The following NLGN4X variants were observed in gnomAD, a reference collection of about 807,000 sequenced individuals.
The protein encoded by NLGN4X is neuroligin 4 X-linked, also known as neuroligin-4, X-linked.
A neutral mutation model predicts 40.3 loss-of-function variants in NLGN4X; 3 were observed. The ratio of observed to expected loss-of-function variants is 0.07; its 90% confidence interval spans 0.03 to 0.19. The LOEUF (loss-of-function observed/expected upper bound fraction) is 0.19, where lower values mean the gene tolerates loss of function less well. Among genes scored for constraint, NLGN4X ranks in the 10% least tolerant of loss-of-function variants. The probability of loss-of-function intolerance (pLI) is 1.00; values close to 1 mark genes in which losing one functional copy is unlikely to be tolerated. For synonymous variants in NLGN4X, 270 were observed against 306.8 expected, an observed-to-expected ratio of 0.88 and a Z score of 1.25; for missense variants, 382 against 708.3, an observed-to-expected ratio of 0.54 and a Z score of 5.23.
intron 2 of NLGN4X, among the ~76,000 whole-genome samples, chrX:6,029,875 C>T (rs915787110): frequency 4.5e-5 from 5 of 111,094 alleles, no homozygotes; most frequent in African/African-American, 9.8e-5. Flanking sequence ...CATCTTAATT[C>T]GCAGGTGAGT....
chrX:6,145,887 C>T (rs1362927027), intron 2 of NLGN4X, among the ~76,000 whole-genome samples: 2 of 109,997 alleles, frequency 1.8e-5, no homozygotes, highest in African/African-American at 6.6e-5. Context: ...TTTTGGGAGG[C>T]CGAGGTGGGA....
chrX:6,076,150 A>G (rs2038190103), intron 2 of NLGN4X, among the ~76,000 whole-genome samples: 1 of 112,307 alleles, frequency 8.9e-6, no homozygotes, highest in Non-Finnish European at 1.9e-5. Context: ...TAATTACAAT[A>G]TGATATTTAG....
chrX:5,985,733 G>A (rs1410368136), intron 3 of NLGN4X, among the ~76,000 whole-genome samples: 2 of 111,822 alleles, frequency 1.8e-5, no homozygotes, highest in African/African-American at 6.5e-5. Context: ...AAGATTATGA[G>A]ACCCAAATAG....
intron 1 of NLGN4X, among the ~76,000 whole-genome samples, chrX:6,222,124 A>G (rs897410880): frequency 4.5e-5 from 5 of 111,174 alleles, no homozygotes; most frequent in African/African-American, 1.6e-4. Flanking sequence ...GCTAAGTTTC[A>G]CTCCTGAAAA....
rs1601916446 is a variant in NLGN4X, at chrX:5,937,257, T to C, written c.626-28018A>G. On this transcript the variant is annotated intron_variant, in intron 3 of 5. Coordinates refer to ENST00000381095, the MANE Select transcript of NLGN4X (RefSeq NM_181332.3). ...ACCCAGCTAATTTTTTTCTATTTTT[T>C]GTAGAGACAGGATTTAACCATTTGG... 3.6e-5 allele frequency among the ~76,000 whole-genome samples: 4 copies of C among 110,890 alleles called. No homozygotes were observed. In the Admixed American group the frequency reaches 3.8e-4, roughly 11 times the overall value.
chrX:6,069,764 T>G (rs1173461195), intron 2 of NLGN4X, among the ~76,000 whole-genome samples: 1 of 112,226 alleles, frequency 8.9e-6, no homozygotes. Context: ...AAAAAATGCC[T>G]CAGAAGTGTG....
intron 3 of NLGN4X, among the ~76,000 whole-genome samples, chrX:5,974,698 G>A (rs980940786): frequency 2.7e-5 from 3 of 111,348 alleles, no homozygotes; most frequent in African/African-American, 9.8e-5. Context: ...CGGGGGACAC[G>A]TACCAAGACC....
intron 3 of NLGN4X, among the ~76,000 whole-genome samples, chrX:5,990,077 CCTCTCTCTCTCTCT>C (rs71839664): frequency 2.5e-4 from 21 of 83,693 alleles, no homozygotes; most frequent in South Asian, 1.4e-3. Flanking sequence ...TCTCTATTTT[CCTCTCTCTCTCTCT>C]CTCTCTCTCT....
chrX:5,919,564 T>C (rs765438594), intron 3 of NLGN4X, among the ~76,000 whole-genome samples: 2 of 111,273 alleles, frequency 1.8e-5, no homozygotes, highest in South Asian at 3.9e-4. Flanking sequence ...GGAAGCTTCA[T>C]CTGTATTTAC....
intron 3 of NLGN4X, among the ~76,000 whole-genome samples, chrX:6,010,179 A>G (rs1429990123): frequency 9.0e-6 from 1 of 111,482 alleles, no homozygotes; most frequent in Admixed American, 9.6e-5. Context: ...GAGTGACTAC[A>G]AAACTTGCAT....
chrX:6,097,026 CTG>C (rs1569235436), intron 2 of NLGN4X, among the ~76,000 whole-genome samples: 1 of 110,079 alleles, frequency 9.1e-6, no homozygotes. Flanking sequence ...ACATCTCCAA[CTG>C]TCATTATTGA....
intron 2 of NLGN4X, among the ~76,000 whole-genome samples, chrX:6,132,796 T>C (rs1212348606): frequency 9.0e-6 from 1 of 111,102 alleles, no homozygotes; most frequent in Admixed American, 9.6e-5. Context: ...CCCAAGGTAA[T>C]GTCAATTCCT....
chrX:5,930,575 A>G (rs2033512344), intron 3 of NLGN4X, among the ~76,000 whole-genome samples: 1 of 112,533 alleles, frequency 8.9e-6, no homozygotes, highest in Admixed American at 9.4e-5. Flanking sequence ...TCCAATAAAT[A>G]TATTTCAAAG....
intron 2 of NLGN4X, among the ~76,000 whole-genome samples, chrX:6,042,720 T>C (rs1297166516): frequency 1.7e-4 from 7 of 41,815 alleles, no homozygotes; most frequent in African/African-American, 5.8e-4. Context: ...TATATATATA[T>C]ATATATATAT....
At chrX:6,177,637 T>G (rs1920985835) in intron 1 of NLGN4X, among the ~76,000 whole-genome samples, 1 of 111,976 alleles carries the variant, frequency 8.9e-6, no homozygotes, top group South Asian at 3.8e-4. Flanking sequence ...ATATTGATGA[T>G]GAAAGCTCTA....
intron 2 of NLGN4X, among the ~76,000 whole-genome samples, chrX:6,122,913 T>C (rs1018218597): frequency 3.7e-5 from 4 of 108,121 alleles, no homozygotes; most frequent in Admixed American, 1.0e-4. Context: ...AAGACAGAGA[T>C]ACATTTTCCC....
chrX:6,201,886 G>A (rs892857274), intron 1 of NLGN4X, among the ~76,000 whole-genome samples: 10 of 111,032 alleles, frequency 9.0e-5, no homozygotes, highest in African/African-American at 2.0e-4. Context: ...TGGTCTCTCC[G>A]ATGGAAATAA....
chrX:6,024,037 A>G (rs2036619731), intron 3 of NLGN4X, among the ~76,000 whole-genome samples: 1 of 112,419 alleles, frequency 8.9e-6, no homozygotes, highest in Non-Finnish European at 1.9e-5. Flanking sequence ...AAGTTATACT[A>G]AAGTAAGGAA....
chrX:6,149,500 C>A (rs1364902685), intron 2 of NLGN4X, among the ~76,000 whole-genome samples: 2 of 111,588 alleles, frequency 1.8e-5, no homozygotes, highest in South Asian at 3.8e-4. Context: ...CAAATGAGAA[C>A]CCTAATTGCT....
Sources: allele counts gnomAD v4.1 joint callset (sites outside exome capture counted in the v4.1 genomes callset), GRCh38; gene constraint gnomAD v4.1.1; transcripts MANE v1.5; gene names NCBI Gene and HGNC (gene_info 2026-07-23, HGNC 2026-07-21).